Variants in CDYL2 observed in about 807,000 individuals in gnomAD.
CDYL2 encodes chromodomain Y like 2.
In CDYL2, 23 loss-of-function variants were observed where a neutral mutation model predicts 49.4. The observed-to-expected ratio is 0.47, with a 90% confidence interval of 0.34 to 0.66. CDYL2 has a LOEUF of 0.66. CDYL2 is among the 30% of genes least tolerant of loss of function. The pLI, the probability that CDYL2 is intolerant of heterozygous loss-of-function variation, is 0.01. For synonymous variants in CDYL2, 360 were observed against 268.8 expected (o/e 1.34, Z -3.32); for missense variants, 678 against 656.4 (o/e 1.03, Z -0.36).
intron 4 of CDYL2, among the ~76,000 whole-genome samples, chr16:80,613,181 G>A (rs542149457): frequency 6.6e-6 from 1 of 152,128 alleles, no homozygotes; most frequent in East Asian, 1.9e-4. Context: ...TATATCCTAA[G>A]GAAGTCAACC....
At chr16:80,734,647 G>A (rs1321395514) in intron 1 of CDYL2, among the ~76,000 whole-genome samples, 3 of 152,164 alleles carry the variant, frequency 2.0e-5, no homozygotes, top group Non-Finnish European at 4.4e-5. Context: ...CATTCAAGGG[G>A]GTTTACTGCA....
intron 2 of CDYL2, among the ~76,000 whole-genome samples, chr16:80,670,223 CTTGAA>C (rs1359411468): frequency 2.6e-5 from 4 of 152,302 alleles, no homozygotes; most frequent in African/African-American, 9.6e-5. Flanking sequence ...CAAATCTCAT[CTTGAA>C]TTGTAGTTTT....
At chr16:80,705,898 T>C (rs1022066200) in intron 1 of CDYL2, among the ~76,000 whole-genome samples, 1 of 152,282 alleles carries the variant, frequency 6.6e-6, no homozygotes, top group Non-Finnish European at 1.5e-5. Context: ...CTCTTCTTTT[T>C]ATCCATAAAC....
intron 1 of CDYL2, among the ~76,000 whole-genome samples, chr16:80,739,235 C>G (rs765264057): frequency 9.2e-5 from 14 of 152,020 alleles, no homozygotes; most frequent in Admixed American, 4.6e-4. Context: ...TCGTGGTTAC[C>G]AAGGACTGGG....
intron 1 of CDYL2, among the ~76,000 whole-genome samples, chr16:80,724,500 G>T (rs1905103839): frequency 6.6e-6 from 1 of 152,134 alleles, no homozygotes; most frequent in Non-Finnish European, 1.5e-5. Flanking sequence ...CTGACTCCTT[G>T]TCATAGTTCA....
chr16:80,630,476 A>C (rs1597134753), intron 3 of CDYL2, among the ~76,000 whole-genome samples: 1 of 152,212 alleles, frequency 6.6e-6, no homozygotes, highest in Non-Finnish European at 1.5e-5. Flanking sequence ...GAAAGAATCT[A>C]GGAAAAACTG....
chr16:80,630,491 C>G (rs13336757), intron 3 of CDYL2, among the ~76,000 whole-genome samples: 8,505 of 152,254 alleles, frequency 0.056, 724 homozygotes, highest in African/African-American at 0.18. Context: ...AAACTGGTCT[C>G]TGCAGATGTC....
chr16:80,627,558 G>A (rs1389491067), intron 3 of CDYL2: 1 of 152,052 alleles, frequency 6.6e-6, no homozygotes, highest in Admixed American at 6.5e-5. Flanking sequence ...TCCTTTTGGT[G>A]TTGCTAATTC....
chr16:80,764,594 T>C (rs979150060), intron 1 of CDYL2, among the ~76,000 whole-genome samples: 2 of 152,064 alleles, frequency 1.3e-5, no homozygotes, highest in African/African-American at 4.8e-5. Context: ...TGGGAAAGAA[T>C]ATAGAGGTGA....
chr16:80,617,831 C>T (rs1235202705), intron 4 of CDYL2, among the ~76,000 whole-genome samples: 3 of 152,190 alleles, frequency 2.0e-5, no homozygotes, highest in Non-Finnish European at 2.9e-5. Flanking sequence ...TCTCTTAGTG[C>T]TCTCAATCAG....
intron 1 of CDYL2, among the ~76,000 whole-genome samples, chr16:80,747,669 A>G (rs1369627812): frequency 6.6e-6 from 1 of 152,070 alleles, no homozygotes; most frequent in Non-Finnish European, 1.5e-5. Flanking sequence ...GAGGCCAGAG[A>G]AGCAAGTACC....
intron 2 of CDYL2, among the ~76,000 whole-genome samples, chr16:80,672,160 G>C (rs937420614): frequency 6.6e-6 from 1 of 152,074 alleles, no homozygotes; most frequent in Non-Finnish European, 1.5e-5. Flanking sequence ...TCAGATTTTG[G>C]ACTTGGGGAC....
intron 1 of CDYL2, among the ~76,000 whole-genome samples, chr16:80,737,768 C>T (rs531600990): frequency 1.3e-5 from 2 of 152,280 alleles, no homozygotes; most frequent in Admixed American, 1.3e-4. Context: ...ATTTCCAAGT[C>T]CCCAGGTCTG....
chr16:80,649,658 T>C (rs952209474), intron 2 of CDYL2, among the ~76,000 whole-genome samples: 15 of 152,050 alleles, frequency 9.9e-5, no homozygotes, highest in African/African-American at 2.7e-4. Context: ...GAATAGCCAA[T>C]GCTATCCTAA....
intron 1 of CDYL2, among the ~76,000 whole-genome samples, chr16:80,707,894 G>T (rs1184046669): frequency 1.3e-5 from 2 of 152,190 alleles, no homozygotes; most frequent in Non-Finnish European, 2.9e-5. Context: ...AGAGACCATT[G>T]ATGCCTCTTA....
At chr16:80,732,505 A>T (rs2142540479) in intron 1 of CDYL2, among the ~76,000 whole-genome samples, 1 of 152,328 alleles carries the variant, frequency 6.6e-6, no homozygotes, top group African/African-American at 2.4e-5. Flanking sequence ...TGCACAGAAT[A>T]TCTTTGGAAG....
chr16:80,674,427 C>T (rs963018850), intron 2 of CDYL2, among the ~76,000 whole-genome samples: 1 of 150,880 alleles, frequency 6.6e-6, no homozygotes, highest in East Asian at 1.9e-4. Context: ...TTTTCTTCTC[C>T]TTTTTTTTAA....
Position 80,612,078 on chromosome 16 carries a change from T to C in CDYL2, c.1218+548A>G, listed in dbSNP as rs530174112. On this transcript the variant is annotated intron_variant, in intron 5 of 6. Transcript: ENST00000570137. The surrounding 1 kb of genome is among the most constrained non-coding windows in gnomAD (Gnocchi z 5.0). ...CTGGGCTGCGTCTCCCGGCCTCCCT[T>C]GCAGGCGCATGTGACCAGAAGCTGA... 7.9e-5 allele frequency among the ~76,000 whole-genome samples: 12 copies of C among 152,342 alleles called. No individual in the cohort carries two copies. The South Asian group carries it at 8.3e-4, about 11-fold the overall frequency.
intron 2 of CDYL2, among the ~76,000 whole-genome samples, chr16:80,635,662 C>G (rs1268628905): frequency 6.6e-6 from 1 of 152,148 alleles, no homozygotes; most frequent in Non-Finnish European, 1.5e-5. Flanking sequence ...AGATTCAATG[C>G]TATCTCTATC....
Sources: gnomAD v4.1 joint callset for allele counts (sites outside exome capture counted in the v4.1 genomes callset) on GRCh38, gnomAD v4.1.1 for gene constraint, Gnocchi (gnomAD v3.1) non-coding constraint, MANE v1.5 for transcripts, NCBI Gene and HGNC (gene_info 2026-07-23, HGNC 2026-07-21) for gene names.